DNAH11: variants seen among roughly 807,000 people sequenced by gnomAD.
DNAH11 encodes axonemal beta dynein heavy chain 11.
DNAH11 carries 442 observed loss-of-function variants against 526.0 expected under a neutral mutation model. That is an observed-to-expected ratio of 0.84 (90% CI 0.78 to 0.91). The LOEUF (loss-of-function observed/expected upper bound fraction) is 0.91, where lower values mean the gene tolerates loss of function less well. DNAH11 is among the 40% of genes least tolerant of loss of function. DNAH11 has a pLI of 0.00. For synonymous variants in DNAH11, 2,461 were observed against 1,935.9 expected (o/e 1.27, Z -7.12); for missense variants, 6,989 against 5,448.7 (o/e 1.28, Z -8.90).
At chr7:21,804,928 C>T (rs1326491562) in intron 62 of DNAH11, among the ~76,000 whole-genome samples, 1 of 152,204 alleles carries the variant, frequency 6.6e-6, no homozygotes, top group Non-Finnish European at 1.5e-5. Context: ...AATCTGTCTC[C>T]TGGATACCCC....
At chr7:21,577,405 C>T (rs1784137088) in intron 8 of DNAH11, among the ~76,000 whole-genome samples, 1 of 152,160 alleles carries the variant, frequency 6.6e-6, no homozygotes, top group Admixed American at 6.5e-5. Flanking sequence ...ACATAGGGAG[C>T]CATGATTTTC....
At chr7:21,840,113 A>G (rs1441074574) in intron 65 of DNAH11, among the ~76,000 whole-genome samples, 1 of 152,252 alleles carries the variant, frequency 6.6e-6, no homozygotes, top group Non-Finnish European at 1.5e-5. Context: ...ATAAAACATC[A>G]TCCAAGAACC....
At chr7:21,654,122 T>G (rs1385766175) in intron 28 of DNAH11, among the ~76,000 whole-genome samples, 1 of 152,176 alleles carries the variant, frequency 6.6e-6, no homozygotes, top group African/African-American at 2.4e-5. Context: ...AATTAACTGT[T>G]TTAAGTGTGC....
chr7:21,759,036 A>G (rs1786768279), intron 54 of DNAH11, among the ~76,000 whole-genome samples: 1 of 152,218 alleles, frequency 6.6e-6, no homozygotes, highest in Non-Finnish European at 1.5e-5. Context: ...AAAACAAAAC[A>G]AAACTTATAC....
chr7:21,871,973 A>C (rs1783510728), intron 73 of DNAH11, among the ~76,000 whole-genome samples: 1 of 151,480 alleles, frequency 6.6e-6, no homozygotes, highest in African/African-American at 2.4e-5. Context: ...ATACAAAAAA[A>C]ATTAGCTGGG....
chr7:21,566,406 A>G (rs1783667854), intron 6 of DNAH11, among the ~76,000 whole-genome samples: 1 of 152,228 alleles, frequency 6.6e-6, no homozygotes, highest in African/African-American at 2.4e-5. Flanking sequence ...GTTAACAATT[A>G]GCCAATGTCC....
chr7:21,770,615 G>A (rs1449450029), intron 55 of DNAH11, among the ~76,000 whole-genome samples: 1 of 152,160 alleles, frequency 6.6e-6, no homozygotes, highest in Non-Finnish European at 1.5e-5. Flanking sequence ...CTGGTAAGGG[G>A]TACATCTGCA....
rs953508058 is a variant in DNAH11, at chr7:21,718,053, C to A, written c.7134+128C>A. 2.8e-5 allele frequency: 36 copies of A among 1,277,810 alleles called. No homozygotes were observed. In the African/African-American group the frequency reaches 4.4e-4, roughly 15 times the overall value. The allele number at this position is 1,277,810 out of a possible 1,614,324, so 79.2% of individuals were successfully genotyped here. ...TTCTGGAATTGTTAGATTGCTGCAA[C>A]CCTCTTGCCCCCGCCCCCGTCCCCC... On this transcript the variant is annotated intron_variant, in intron 43 of 81. Transcript: ENST00000409508.
At chr7:21,599,085 C>T (rs1389808375) in intron 14 of DNAH11, among the ~76,000 whole-genome samples, 4 of 152,194 alleles carry the variant, frequency 2.6e-5, no homozygotes, top group South Asian at 4.1e-4. Context: ...ATTTATATCC[C>T]TTTTGGTGTA....
chr7:21,692,277 ATAACCAC>A (rs1236321413), intron 35 of DNAH11, among the ~76,000 whole-genome samples: 9 of 152,238 alleles, frequency 5.9e-5, no homozygotes, highest in African/African-American at 2.2e-4. Flanking sequence ...TGGTGAAAGC[ATAACCAC>A]AATCAAAGTA....
Position 21,884,286 on chromosome 7 carries a change from C to T in DNAH11, c.12388-5C>T, listed in dbSNP as rs759649556. The T allele has an allele frequency of 4.4e-6, 7 of 1,600,284 alleles. No homozygotes were observed. Among genetic ancestry groups the T allele is most frequent in the Non-Finnish European group, 6.0e-6 (7 of 1,174,150 alleles). On this transcript the variant is annotated splice_region_variant and splice_polypyrimidine_tract_variant and intron_variant, in intron 75 of 81. Coordinates refer to ENST00000409508, the MANE Select transcript of DNAH11 (RefSeq NM_001277115.2). Reference sequence around the variant, plus strand: ...CAGTGAATATTTGTGTGGTTTTCTCCACAGGTCCCATGGGAAGATCTCCGT... The same window carrying T: ...CAGTGAATATTTGTGTGGTTTTCTCTACAGGTCCCATGGGAAGATCTCCGT...
intron 68 of DNAH11, among the ~76,000 whole-genome samples, chr7:21,858,523 T>A (rs2214327): frequency 0.51 from 77,727 of 152,062 alleles, 21,396 homozygotes; most frequent in Non-Finnish European, 0.63. Flanking sequence ...CAGTGGGCTA[T>A]TACTCAAAAC....
chr7:21,605,869 A>G (rs1291026755), intron 18 of DNAH11, among the ~76,000 whole-genome samples: 1 of 152,230 alleles, frequency 6.6e-6, no homozygotes, highest in Non-Finnish European at 1.5e-5. Flanking sequence ...GGATTCTGAG[A>G]TGAGAACAAT....
chr7:21,881,537 AAAGCAAGAACCATTCAT>A (rs1783925236), intron 75 of DNAH11, among the ~76,000 whole-genome samples: 1 of 152,208 alleles, frequency 6.6e-6, no homozygotes, highest in East Asian at 1.9e-4. Context: ...TGGATTTCAA[AAAGCAAGAACCATTCAT>A]TCCTAAGGAT....
intron 76 of DNAH11, among the ~76,000 whole-genome samples, chr7:21,891,021 A>G (rs1412309757): frequency 1.3e-5 from 2 of 152,210 alleles, no homozygotes; most frequent in Non-Finnish European, 2.9e-5. Flanking sequence ...TTTCTAAGTA[A>G]CCTGGATTGC....
intron 76 of DNAH11, among the ~76,000 whole-genome samples, chr7:21,885,169 T>TTTA (rs367811733): frequency 1.1e-5 from 1 of 89,434 alleles, no homozygotes; most frequent in Admixed American, 1.3e-4. Context: ...CCAAATGAAC[T>TTTA]ATAAAAAAAA....
intron 6 of DNAH11, among the ~76,000 whole-genome samples, chr7:21,569,338 T>TCAGAATG (rs1489628967): frequency 6.6e-6 from 1 of 152,142 alleles, no homozygotes; most frequent in Non-Finnish European, 1.5e-5. Context: ...AAAAGAACCT[T>TCAGAATG]CAGAATGCAG....
intron 28 of DNAH11, 134 bp downstream of exon 28, chr7:21,639,199 T>C (rs1787011863): frequency 3.6e-6 from 4 of 1,118,444 alleles, no homozygotes; most frequent in Non-Finnish European, 4.9e-6. Context: ...AAATTTGTAA[T>C]GTAGCATCAG....
intron 65 of DNAH11, among the ~76,000 whole-genome samples, chr7:21,818,746 T>C (rs1259529360): frequency 1.3e-5 from 2 of 152,194 alleles, no homozygotes; most frequent in Non-Finnish European, 2.9e-5. Flanking sequence ...TTTTTTAAAA[T>C]CAGCATGGGT....
Sources: gnomAD v4.1 joint callset for allele counts (sites outside exome capture counted in the v4.1 genomes callset) on GRCh38, gnomAD v4.1.1 for gene constraint, MANE v1.5 for transcripts, NCBI Gene and HGNC (gene_info 2026-07-23, HGNC 2026-07-21) for gene names.